Variants in SLC24A3 observed in about 807,000 individuals in gnomAD.
SLC24A3 encodes sodium/potassium/calcium exchanger 3.
In SLC24A3, 28 loss-of-function variants were observed where a neutral mutation model predicts 75.8. That is an observed-to-expected ratio of 0.37 (90% CI 0.27 to 0.51). The LOEUF is 0.51. Among genes scored for constraint, SLC24A3 ranks in the 20% least tolerant of loss-of-function variants. The probability of loss-of-function intolerance (pLI) is 0.94; values close to 1 mark genes in which losing one functional copy is unlikely to be tolerated. For missense variants in SLC24A3, 663 were observed against 847.8 expected (o/e 0.78, Z 2.71); for synonymous variants, 372 against 334.1 (o/e 1.11, Z -1.24).
At position 19,532,879 on chromosome 20, in the gene SLC24A3, T is replaced by C. The variant is rs1010400865; in HGVS notation, c.348+17315T>C. ...AGAGAGCACATTGGCAGCCCCCTGA[T>C]TGGGATGTCATTCAAGATATTTAAT... On this transcript the variant is annotated intron_variant, in intron 3 of 16. Coordinates refer to ENST00000328041, the MANE Select transcript of SLC24A3 (RefSeq NM_020689.4). Among the ~76,000 whole-genome samples the C allele has an allele frequency of 3.3e-5, 5 of 152,152 alleles. No homozygotes were observed. In the East Asian group the frequency reaches 7.7e-4, roughly 23 times the overall value.
At chr20:19,472,951 G>A (rs1987899421) in intron 2 of SLC24A3, among the ~76,000 whole-genome samples, 1 of 152,218 alleles carries the variant, frequency 6.6e-6, no homozygotes, top group South Asian at 2.1e-4. Context: ...GGGAACAAGG[G>A]GTGTTTAGCC....
At chr20:19,252,519 A>G (rs1484819234) in intron 1 of SLC24A3, among the ~76,000 whole-genome samples, 1 of 152,140 alleles carries the variant, frequency 6.6e-6, no homozygotes, top group African/African-American at 2.4e-5. Flanking sequence ...CATTGCTGTC[A>G]TCTGTTGCAA....
chr20:19,501,458 G>A (rs980175082), intron 2 of SLC24A3, among the ~76,000 whole-genome samples: 2 of 152,082 alleles, frequency 1.3e-5, no homozygotes, highest in African/African-American at 4.8e-5. Context: ...CACCTACCTT[G>A]CTGTTACCAT....
At chr20:19,462,700 C>A (rs2122496821) in intron 2 of SLC24A3, among the ~76,000 whole-genome samples, 1 of 152,218 alleles carries the variant, frequency 6.6e-6, no homozygotes. Flanking sequence ...CAGAGAGAGG[C>A]CCAGGACACA....
chr20:19,308,562 C>G (rs989464358), intron 2 of SLC24A3, among the ~76,000 whole-genome samples: 3 of 152,204 alleles, frequency 2.0e-5, no homozygotes, highest in Non-Finnish European at 2.9e-5. Flanking sequence ...CATTCATTTA[C>G]TGTGAATTTG....
At chr20:19,573,463 G>A (rs1292711529) in intron 3 of SLC24A3, among the ~76,000 whole-genome samples, 1 of 152,218 alleles carries the variant, frequency 6.6e-6, no homozygotes, top group Admixed American at 6.5e-5. Flanking sequence ...ACCCAGCACA[G>A]TATCTTCTGT....
At chr20:19,598,686 T>C (rs1363250290) in intron 6 of SLC24A3, among the ~76,000 whole-genome samples, 1 of 152,092 alleles carries the variant, frequency 6.6e-6, no homozygotes, top group African/African-American at 2.4e-5. Context: ...GCTGGGGGAC[T>C]CAAGGCGTGG....
intron 2 of SLC24A3, among the ~76,000 whole-genome samples, chr20:19,489,602 G>A (rs1988176798): frequency 6.6e-6 from 1 of 152,064 alleles, no homozygotes; most frequent in South Asian, 2.1e-4. Context: ...ATGAGCCCAA[G>A]GGCCTTTGGG....
intron 2 of SLC24A3, among the ~76,000 whole-genome samples, chr20:19,502,148 T>TG (rs1421811359): frequency 6.6e-6 from 1 of 151,860 alleles, no homozygotes; most frequent in Non-Finnish European, 1.5e-5. Flanking sequence ...GTGTAGCATA[T>TG]GGGGGATAGA....
chr20:19,542,158 G>C (rs1312595918), intron 3 of SLC24A3, among the ~76,000 whole-genome samples: 1 of 152,212 alleles, frequency 6.6e-6, no homozygotes, highest in Non-Finnish European at 1.5e-5. Context: ...CACTTAAGTT[G>C]ATGTGAAATG....
chr20:19,245,270 G>A (rs1198077749), intron 1 of SLC24A3, among the ~76,000 whole-genome samples: 1 of 151,924 alleles, frequency 6.6e-6, no homozygotes, highest in African/African-American at 2.4e-5. Context: ...AGTTCACACT[G>A]GTCATCAGTG....
chr20:19,501,959 G>C (rs925751241), intron 2 of SLC24A3, among the ~76,000 whole-genome samples: 9 of 152,054 alleles, frequency 5.9e-5, no homozygotes, highest in Admixed American at 5.9e-4. Context: ...TGTGGCTAAG[G>C]GCAAGTTTGG....
At chr20:19,692,887 C>T (rs1253390025) in intron 12 of SLC24A3, among the ~76,000 whole-genome samples, 4 of 151,040 alleles carry the variant, frequency 2.6e-5, no homozygotes, top group Non-Finnish European at 5.9e-5. Context: ...TCCCCACCCC[C>T]ATTTCGACCC....
intron 1 of SLC24A3, among the ~76,000 whole-genome samples, chr20:19,229,961 C>G (rs1355511048): frequency 7.2e-5 from 11 of 151,806 alleles, no homozygotes; most frequent in Admixed American, 7.2e-4. Context: ...GTAATCTTAG[C>G]CTTTTCCATT....
At chr20:19,443,341 CTTTT>C (rs796327652) in intron 2 of SLC24A3, among the ~76,000 whole-genome samples, 3 of 151,974 alleles carry the variant, frequency 2.0e-5, no homozygotes, top group African/African-American at 4.8e-5. Flanking sequence ...TTTTTTAGTT[CTTTT>C]TTATTTCTTT....
At chr20:19,283,930 G>A (rs1983735133) in intron 2 of SLC24A3, among the ~76,000 whole-genome samples, 1 of 152,170 alleles carries the variant, frequency 6.6e-6, no homozygotes, top group South Asian at 2.1e-4. Context: ...CCTGCAGAGC[G>A]AGTCTGTCAG....
At chr20:19,666,583 C>T (rs2032402642) in intron 8 of SLC24A3, among the ~76,000 whole-genome samples, 1 of 152,150 alleles carries the variant, frequency 6.6e-6, no homozygotes, top group Non-Finnish European at 1.5e-5. Context: ...AATTAGGACC[C>T]AGGCACTTCT....
chr20:19,552,298 A>T lies in SLC24A3; in HGVS notation c.349-27702A>T, dbSNP rs115614198. Among the ~76,000 whole-genome samples, 998 of 152,268 alleles carry T rather than the reference A, an allele frequency of 6.6e-3. 9 individuals carry two copies. The highest frequency in any genetic ancestry group is 0.022 in the African/African-American group (895 of 41,558). ...CTCCCACATTCCCAAATCACCAAGGACAGCCCAGCCTCCCTCCTGTCTGCG... is the reference window on the plus strand; with the variant it reads ...CTCCCACATTCCCAAATCACCAAGGTCAGCCCAGCCTCCCTCCTGTCTGCG... On this transcript the variant is annotated intron_variant, in intron 3 of 16. Transcript: ENST00000328041.
intron 8 of SLC24A3, among the ~76,000 whole-genome samples, chr20:19,666,228 C>T (rs1568690512): frequency 6.6e-6 from 1 of 152,082 alleles, no homozygotes; most frequent in Non-Finnish European, 1.5e-5. Flanking sequence ...ATTTTTGGGC[C>T]GGGCACAGTG....
Sources: gnomAD v4.1 joint callset for allele counts (sites outside exome capture counted in the v4.1 genomes callset) on GRCh38, gnomAD v4.1.1 for gene constraint, MANE v1.5 for transcripts, NCBI Gene and HGNC (gene_info 2026-07-23, HGNC 2026-07-21) for gene names.